Variants in YLPM1 observed in about 807,000 individuals in gnomAD.
The protein encoded by YLPM1 is YLP motif containing 1.
YLPM1 carries 99 observed loss-of-function variants against 230.0 expected under a neutral mutation model. The observed-to-expected ratio is 0.43, with a 90% CI of 0.37 to 0.51. The LOEUF is 0.51. Ranked by LOEUF, YLPM1 falls within the 20% of genes least tolerant of loss-of-function variation. The pLI, the probability that YLPM1 is intolerant of heterozygous loss-of-function variation, is 0.00. For missense variants in YLPM1, 2,592 were observed against 2,707.7 expected, an observed-to-expected ratio of 0.96 and a Z score of 0.95; for synonymous variants, 984 against 942.5, an observed-to-expected ratio of 1.04 and a Z score of -0.81.
At chr14:74,790,442 A>G (rs1181510870) in intron 4 of YLPM1, among the ~76,000 whole-genome samples, 2 of 152,168 alleles carry the variant, frequency 1.3e-5, no homozygotes, top group African/African-American at 4.8e-5. Context: ...TAATTTTAAT[A>G]TGTTTCTGCA....
intron 2 of YLPM1, among the ~76,000 whole-genome samples, chr14:74,779,093 C>T (rs761075656): frequency 2.6e-5 from 4 of 152,100 alleles, no homozygotes; most frequent in South Asian, 2.1e-4. Flanking sequence ...CCACCTGCTT[C>T]GGCCTCCCAA....
chr14:74,782,365 A>G (rs768426569), intron 4 of YLPM1, 40 bp downstream of exon 4: 3 of 1,490,802 alleles, frequency 2.0e-6, no homozygotes, highest in Non-Finnish European at 1.8e-6. Context: ...TGGTTTGGCT[A>G]TTTTATTGAC....
In YLPM1 at chr14:74,781,814, C is replaced by T. The variant is rs761241058; in HGVS notation, c.1771C>T (p.Leu591Phe). The change falls in exon 4 of 21, where the codon CTC becomes TTC. Residue 591 changes from leucine (L) to phenylalanine (F), a missense_variant. Transcript: ENST00000325680. ...CTCTTCTGCAGGGCCACCACCAGTT[C>T]TCCCCCCACCTTCCCTGTCTTCTGC... ...SLSSAGPPPVLPPPSLSSAGP... is the reference protein window; with the variant it reads ...SLSSAGPPPVFPPPSLSSAGP... 2 of 1,611,972 alleles carry T rather than the reference C, an allele frequency of 1.2e-6. No homozygotes were observed. The highest frequency in any genetic ancestry group is 2.2e-5 in the South Asian group (2 of 90,828).
chr14:74,799,841 T>G (rs1419103542), intron 5 of YLPM1, 144 bp downstream of exon 5: 2 of 1,323,926 alleles, frequency 1.5e-6, no homozygotes, highest in African/African-American at 3.0e-5. Context: ...GGTCATTCAG[T>G]GCTGTTTTAG....
intron 19 of YLPM1, among the ~76,000 whole-genome samples, chr14:74,830,487 A>T (rs1476276621): frequency 6.6e-6 from 1 of 152,204 alleles, no homozygotes; most frequent in Non-Finnish European, 1.5e-5. Context: ...CAGAACTACC[A>T]TTCTTTTTAA....
intron 15 of YLPM1, among the ~76,000 whole-genome samples, chr14:74,817,705 A>G (rs1015706504): frequency 7.9e-5 from 12 of 151,738 alleles, no homozygotes; most frequent in African/African-American, 2.9e-4. Flanking sequence ...TAACTTTCCT[A>G]TCTGCTTTAG....
chr14:74,776,815 C>G (rs145844442), intron 1 of YLPM1, among the ~76,000 whole-genome samples: 106 of 152,266 alleles, frequency 7.0e-4, no homozygotes, highest in African/African-American at 2.4e-3. Flanking sequence ...GTAATCCCAG[C>G]ACTTTGGGAG....
chr14:74,767,204 C>T (rs1450852053), intron 1 of YLPM1, among the ~76,000 whole-genome samples: 1 of 152,172 alleles, frequency 6.6e-6, no homozygotes, highest in Non-Finnish European at 1.5e-5. Context: ...TAGATAAACA[C>T]ATTGTTAACA....
intron 1 of YLPM1, among the ~76,000 whole-genome samples, chr14:74,769,669 T>G (rs2140070420): frequency 6.6e-6 from 1 of 151,090 alleles, no homozygotes; most frequent in African/African-American, 2.4e-5. Context: ...GTGATCCACC[T>G]GCTACGGCCT....
intron 17 of YLPM1, among the ~76,000 whole-genome samples, chr14:74,823,662 A>G (rs551079270): frequency 1.0e-3 from 157 of 152,244 alleles, no homozygotes; most frequent in Non-Finnish European, 1.8e-3. Context: ...TGATTCAGTA[A>G]AATTAGCCGT....
At chr14:74,805,682 C>T (rs566691016) in intron 6 of YLPM1, among the ~76,000 whole-genome samples, 1 of 150,504 alleles carries the variant, frequency 6.6e-6, no homozygotes, top group South Asian at 2.1e-4. Flanking sequence ...AAGTGGGACA[C>T]TTCAGTCAAA....
intron 11 of YLPM1, among the ~76,000 whole-genome samples, chr14:74,813,623 G>A (rs2091453831): frequency 6.6e-6 from 1 of 151,868 alleles, no homozygotes; most frequent in Non-Finnish European, 1.5e-5. Flanking sequence ...TTAAATTATG[G>A]ATTCAGGATA....
Position 74,835,433 on chromosome 14 carries a change from C to T in YLPM1, c.*22C>T, listed in dbSNP as rs1191362056. The stretch of plus-strand genomic sequence containing the variant: ...ATGAGACTTAGTTTTTGAACGGAGT[C>T]ATTATTCCTCTAAGGTAAGAGTACA... On this transcript the variant is annotated 3_prime_UTR_variant, in exon 20 of 21. Coordinates refer to ENST00000325680, the MANE Select transcript of YLPM1 (RefSeq NM_019589.3). 2.5e-6 allele frequency: 4 copies of T among 1,611,606 alleles called. No homozygotes were observed. The highest frequency in any genetic ancestry group is 8.5e-7 in the Non-Finnish European group (1 of 1,178,690).
intron 16 of YLPM1, 76 bp downstream of exon 16, chr14:74,818,390 C>T: frequency 7.7e-7 from 1 of 1,291,430 alleles, no homozygotes; most frequent in East Asian, 2.7e-5. Flanking sequence ...AACTTAAAAC[C>T]TACAGAAAAG....
At chr14:74,789,762 G>A (rs1163275272) in intron 4 of YLPM1, among the ~76,000 whole-genome samples, 2 of 151,704 alleles carry the variant, frequency 1.3e-5, no homozygotes, top group South Asian at 2.1e-4. Flanking sequence ...CATGTAGCTG[G>A]AACTGTAGAT....
intron 4 of YLPM1, among the ~76,000 whole-genome samples, chr14:74,786,567 C>A (rs2091152192): frequency 6.6e-6 from 1 of 152,260 alleles, no homozygotes; most frequent in East Asian, 1.9e-4. Context: ...ATGAGTCTGG[C>A]ATCTTTCACT....
At chr14:74,766,636 A>ATTT (rs34932979) in intron 1 of YLPM1, among the ~76,000 whole-genome samples, 8 of 110,346 alleles carry the variant, frequency 7.2e-5, no homozygotes, top group Admixed American at 1.0e-4. Flanking sequence ...ATGCCTGGCT[A>ATTT]TTTTTTTTTT....
At chr14:74,796,351 C>T (rs1458041400) in intron 4 of YLPM1, among the ~76,000 whole-genome samples, 1 of 152,230 alleles carries the variant, frequency 6.6e-6, no homozygotes, top group African/African-American at 2.4e-5. Context: ...TGCTGATACA[C>T]GTTTCTCCGC....
chr14:74,770,531 G>A (rs1034771180), intron 1 of YLPM1, among the ~76,000 whole-genome samples: 1 of 151,262 alleles, frequency 6.6e-6, no homozygotes, highest in South Asian at 2.1e-4. Flanking sequence ...AGGCTGAGGT[G>A]GGAGGATCAC....
Sources: gnomAD v4.1 joint callset for allele counts (sites outside exome capture counted in the v4.1 genomes callset) on GRCh38, gnomAD v4.1.1 for gene constraint, MANE v1.5 for transcripts, NCBI Gene and HGNC (gene_info 2026-07-23, HGNC 2026-07-21) for gene names.